Variants in NOL9 observed in about 807,000 individuals in gnomAD.
NOL9 encodes nucleolar protein 9.
In NOL9, 28 loss-of-function variants were observed where a neutral mutation model predicts 67.9. The observed-to-expected ratio is 0.41, with a 90% CI of 0.31 to 0.57. The LOEUF is 0.57. Among genes scored for constraint, NOL9 ranks in the 20% least tolerant of loss-of-function variants. The pLI is 0.25. For synonymous variants in NOL9, 356 were observed against 352.2 expected, an observed-to-expected ratio of 1.01 and a Z score of -0.12; for missense variants, 777 against 897.0, an observed-to-expected ratio of 0.87 and a Z score of 1.71.
intron 9 of NOL9, among the ~76,000 whole-genome samples, chr1:6,531,505 G>A (rs954038898): frequency 3.3e-5 from 5 of 152,116 alleles, no homozygotes; most frequent in South Asian, 4.2e-4. Context: ...GAGCCACCAC[G>A]CCCGGCTAAT....
At chr1:6,535,850 C>G (rs1373993854) in intron 6 of NOL9, among the ~76,000 whole-genome samples, 1 of 151,668 alleles carries the variant, frequency 6.6e-6, no homozygotes, top group Admixed American at 6.6e-5. Flanking sequence ...ATTGCTTGAA[C>G]CCAGGAGGCA....
Position 6,550,402 on chromosome 1 carries a change from T to G in NOL9, c.610A>C (p.Asn204His). 1 of 1,613,626 alleles carries G rather than the reference T, an allele frequency of 6.2e-7. No individual in the cohort carries two copies. The change falls in exon 2 of 12, where the codon AAC (asparagine) becomes CAC (histidine). Residue 204 changes from asparagine (N) to histidine (H), a missense_variant. Asn to His is a moderately conservative substitution (Grantham distance 68). Coordinates refer to ENST00000377705, the MANE Select transcript of NOL9 (RefSeq NM_024654.5). ...ACCCAGTTCTTTTCATTACCAAGGTTAAGATGAGATTTGAGCAAATTCCGG... is the reference window on the plus strand; with the variant it reads ...ACCCAGTTCTTTTCATTACCAAGGTGAAGATGAGATTTGAGCAAATTCCGG... ...EARNLLKSHL[N>H]LDDRRWSMQN...
chr1:6,528,628 A>T (rs1638944818), intron 10 of NOL9, among the ~76,000 whole-genome samples: 1 of 152,252 alleles, frequency 6.6e-6, no homozygotes, highest in African/African-American at 2.4e-5. Flanking sequence ...GAAGATGCAC[A>T]CTGACAAGAT....
intron 3 of NOL9, among the ~76,000 whole-genome samples, chr1:6,546,232 G>A (rs1375412640): frequency 6.6e-6 from 1 of 152,180 alleles, no homozygotes; most frequent in Non-Finnish European, 1.5e-5. Flanking sequence ...CAGTGGTGGT[G>A]AAGTCCCAGA....
chr1:6,540,809 G>A (rs1639269782), intron 6 of NOL9: 1 of 150,882 alleles, frequency 6.6e-6, no homozygotes, highest in African/African-American at 2.4e-5. Flanking sequence ...CTGCCTAGGT[G>A]ACAGAGCAAG....
intron 2 of NOL9, among the ~76,000 whole-genome samples, 161 bp downstream of exon 2, chr1:6,550,235 C>T (rs1033337456): frequency 6.6e-6 from 1 of 152,090 alleles, no homozygotes; most frequent in African/African-American, 2.4e-5. Flanking sequence ...GTTTCACCAT[C>T]TTAGCCAGGA....
chr1:6,529,026 G>C lies in NOL9; in HGVS notation c.1793C>G (p.Ala598Gly). The C allele has an allele frequency of 6.2e-7, 1 of 1,614,132 alleles. No individual in the cohort carries two copies. Among genetic ancestry groups the C allele is most frequent in the Non-Finnish European group, 8.5e-7 (1 of 1,180,036 alleles). Residue 598 changes from alanine (A) to glycine (G), a missense_variant, in exon 10 of 12, where the codon GCC becomes GGC. By Grantham distance (60) the Ala-to-Gly change is moderately conservative (BLOSUM62 0). Around this residue, in one of 2 missense-constraint regions of NOL9, gnomAD observed 413 missense variants for 552.6 expected, o/e 0.75. Transcript: ENST00000377705. ...RGYTNGPILL[A>G]QTPICDCLGF... ...CAAGCAGTCACAGATTGGAGTCTGG[G>C]CAAGCAGGATGGGCCCATTCGTGTA... is the stretch of plus-strand genomic sequence containing the variant.
rs1285806843 is a variant in NOL9 at position 6,525,022 on chromosome 1, AGCCACTGCGCCTG to A, written c.*819_*831del. The A allele has an allele frequency of 6.6e-6, 1 of 152,022 alleles. No individual in the cohort carries two copies. Among genetic ancestry groups the A allele is most frequent in the Non-Finnish European group, 1.5e-5 (1 of 68,012 alleles). The allele number at this position is 152,022 out of a possible 1,614,324, so 9.4% of individuals were successfully genotyped here. On this transcript the variant is annotated 3_prime_UTR_variant, in exon 12 of 12. Transcript: ENST00000377705. ...CCAAAGTGCTGGAATTACAGGCGTG[AGCCACTGCGCCTG>A]GCCCCGAGGTTTTCCAGATTTGAAA...
At chr1:6,532,289 T>C in intron 8 of NOL9, 174 bp downstream of exon 8, 1 of 739,950 alleles carries the variant, frequency 1.4e-6, no homozygotes, top group Non-Finnish European at 2.2e-6. Flanking sequence ...CACTTCTGGA[T>C]ATTTCCACTG....
intron 6 of NOL9, among the ~76,000 whole-genome samples, chr1:6,537,821 A>C (rs1639188446): frequency 6.6e-6 from 1 of 152,032 alleles, no homozygotes; most frequent in Non-Finnish European, 1.5e-5. Flanking sequence ...TCAAAAACCT[A>C]AACTTAAGAG....
intron 10 of NOL9, among the ~76,000 whole-genome samples, chr1:6,527,282 G>A (rs1316846608): frequency 6.7e-6 from 1 of 150,010 alleles, no homozygotes; most frequent in Non-Finnish European, 1.5e-5. Context: ...AAGAGATGGA[G>A]TCCTTGAACA....
intron 1 of NOL9, among the ~76,000 whole-genome samples, chr1:6,552,830 G>C (rs762234517): frequency 3.3e-5 from 5 of 150,856 alleles, no homozygotes; most frequent in Admixed American, 1.3e-4. Flanking sequence ...CCTTTCTTTC[G>C]AGACGGAGTC....
chr1:6,521,662 A>G lies in NOL9; in HGVS notation c.*4192T>C, dbSNP rs1249066645. ...CAGGAAGCTTGGTAGCAACAATTTTAAGGTGAACCTGCCAGAGGCAAGATG... is the reference window on the plus strand; with the variant it reads ...CAGGAAGCTTGGTAGCAACAATTTTGAGGTGAACCTGCCAGAGGCAAGATG... On this transcript the variant is annotated 3_prime_UTR_variant, in exon 12 of 12. Coordinates refer to ENST00000377705, the MANE Select transcript of NOL9 (RefSeq NM_024654.5). The G allele has an allele frequency of 6.6e-6, 1 of 152,214 alleles. No individual in the cohort carries two copies. Among genetic ancestry groups the G allele is most frequent in the Non-Finnish European group, 1.5e-5 (1 of 68,046 alleles). 9.4% of individuals were successfully genotyped at this position (152,214 alleles called of 1,614,324 possible).
intron 2 of NOL9, 102 bp from the exon 3 acceptor site, chr1:6,549,800 G>C: frequency 7.2e-7 from 1 of 1,394,194 alleles, no homozygotes; most frequent in Non-Finnish European, 9.8e-7. Context: ...CATTAGGAGA[G>C]TAGGAATTAC....
In NOL9 at chr1:6,525,677, T is replaced by C; in HGVS notation, c.*177A>G. 4.5e-6 allele frequency: 3 copies of C among 671,216 alleles called. No homozygotes were observed. The South Asian group carries it at 5.7e-5, about 13-fold the overall frequency. 41.6% of individuals were successfully genotyped at this position (671,216 alleles called of 1,614,324 possible). A position where few individuals can be genotyped will look rare whatever the true frequency, so the allele number is the denominator to read the frequency against. On this transcript the variant is annotated 3_prime_UTR_variant, in exon 12 of 12. Transcript: ENST00000377705. Reference sequence around the variant, plus strand: ...GAAGACTAGAACAAATTCTAGCTCATGCAGCTTTAAAAGAGAAACTTAAGA... The same window carrying C: ...GAAGACTAGAACAAATTCTAGCTCACGCAGCTTTAAAAGAGAAACTTAAGA...
rs1173980082 is a variant in NOL9, at chr1:6,545,035, T to C, written c.880+10A>G. On this transcript the variant is annotated intron_variant, in intron 4 of 11. Coordinates refer to ENST00000377705, the MANE Select transcript of NOL9 (RefSeq NM_024654.5). ...ACAGACATTCAGGGTGATCAATGTG[T>C]ATTACTCACCACAGGAAACATTGAC... 1.2e-6 allele frequency: 2 copies of C among 1,614,180 alleles called. No individual in the cohort carries two copies. Among genetic ancestry groups the C allele is most frequent in the Non-Finnish European group, 8.5e-7 (1 of 1,180,032 alleles).
intron 6 of NOL9, among the ~76,000 whole-genome samples, chr1:6,539,887 C>T (rs1412879480): frequency 1.3e-5 from 2 of 152,206 alleles, no homozygotes; most frequent in African/African-American, 4.8e-5. Context: ...ACTCCACTTA[C>T]ATGAGAATAG....
At chr1:6,553,939 C>T (rs72862892) in intron 1 of NOL9, among the ~76,000 whole-genome samples, 168 bp downstream of exon 1, 3,359 of 152,292 alleles carry the variant, frequency 0.022, 124 homozygotes, top group African/African-American at 0.076. Context: ...CCCTGCTGCT[C>T]AGGGGAGCCT....
intron 3 of NOL9, chr1:6,549,302 C>A: frequency 3.4e-6 from 1 of 291,242 alleles, no homozygotes; most frequent in Non-Finnish European, 6.6e-6. Flanking sequence ...AAAAGCAGGG[C>A]TGGAGCATGG....
Sources: allele counts gnomAD v4.1 joint callset (sites outside exome capture counted in the v4.1 genomes callset), GRCh38; gene constraint gnomAD v4.1.1; regional missense constraint gnomAD v4.1.1; transcripts MANE v1.5; gene names NCBI Gene and HGNC (gene_info 2026-07-23, HGNC 2026-07-21).